PRKAR1B: variants seen among roughly 807,000 people sequenced by gnomAD.
The protein encoded by PRKAR1B is cAMP-dependent protein kinase type I-beta regulatory subunit.
PRKAR1B carries 22 observed loss-of-function variants against 46.5 expected under a neutral mutation model. The observed-to-expected ratio is 0.47, with a 90% CI of 0.34 to 0.68. The LOEUF (loss-of-function observed/expected upper bound fraction) is 0.68, where lower values mean the gene tolerates loss of function less well. Among genes scored for constraint, PRKAR1B ranks in the 30% least tolerant of loss-of-function variants. PRKAR1B has a pLI of 0.01. For synonymous variants in PRKAR1B, 259 were observed against 217.7 expected, an observed-to-expected ratio of 1.19 and a Z score of -1.67; for missense variants, 445 against 535.6, an observed-to-expected ratio of 0.83 and a Z score of 1.67.
chr7:551,291 G>C (rs1784175351), intron 10 of PRKAR1B, 98 bp downstream of exon 10: 2 of 1,185,168 alleles, frequency 1.7e-6, no homozygotes, highest in African/African-American at 1.5e-5. Context: ...CAAGGCCCCA[G>C]GGAAGCCCCC....
At chr7:676,493 C>T (rs1778302389) in intron 4 of PRKAR1B, among the ~76,000 whole-genome samples, 1 of 152,184 alleles carries the variant, frequency 6.6e-6, no homozygotes. Flanking sequence ...CGGAAGAGGC[C>T]GGAACACGAA....
At chr7:608,754 A>G (rs71518318) in intron 4 of PRKAR1B, among the ~76,000 whole-genome samples, 17,959 of 33,216 alleles carry the variant, frequency 0.54, 4,525 homozygotes, top group South Asian at 0.74. Flanking sequence ...GCTGTAGGGA[A>G]GGCTGGGGGG....
chr7:598,947 A>G (rs756401688), intron 6 of PRKAR1B, among the ~76,000 whole-genome samples: 1 of 152,254 alleles, frequency 6.6e-6, no homozygotes, highest in Non-Finnish European at 1.5e-5. Flanking sequence ...GAGTCTCCAC[A>G]GAGCCAGCCC....
intron 7 of PRKAR1B, among the ~76,000 whole-genome samples, chr7:594,548 C>G (rs1417765890): frequency 6.6e-6 from 1 of 152,190 alleles, no homozygotes; most frequent in African/African-American, 2.4e-5. Context: ...ACCCAAACCA[C>G]AGGCGCTGGC....
chr7:709,357 G>A (rs1227982527), intron 2 of PRKAR1B, among the ~76,000 whole-genome samples: 1 of 149,538 alleles, frequency 6.7e-6, no homozygotes, highest in Admixed American at 6.7e-5. Context: ...ATGCATGTGT[G>A]TGTGTATGTA....
In PRKAR1B at chr7:551,413, G is replaced by A. The variant is rs373481607; in HGVS notation, c.949C>T (p.Arg317Cys). 26 of 1,559,674 alleles carry A rather than the reference G, an allele frequency of 1.7e-5. No individual in the cohort carries two copies. The highest frequency in any genetic ancestry group is 3.9e-5 in the Admixed American group (2 of 51,544). Residue 317 changes from arginine (R) to cysteine (C), a missense_variant, in exon 10 of 11, where the codon CGC (arginine) becomes TGC (cysteine). Transcript: ENST00000537384. ...SPNEEYVEVG[R>C]LGPSDYFGEI... ...CCGAAGTAGTCAGAGGGTCCCAGGC[G>A]CCCCACCTCCACGTACTCCTCATTG...
intron 7 of PRKAR1B, among the ~76,000 whole-genome samples, chr7:592,689 T>G (rs1056590063): frequency 1.6e-4 from 24 of 152,164 alleles, no homozygotes; most frequent in African/African-American, 5.3e-4. Flanking sequence ...GCTGAGGTCC[T>G]GGGTAAGGAT....
chr7:643,608 G>C (rs565888192), intron 4 of PRKAR1B, among the ~76,000 whole-genome samples: 3 of 151,488 alleles, frequency 2.0e-5, no homozygotes, highest in Middle Eastern at 3.4e-3. Flanking sequence ...TGTAATCCCA[G>C]CTACTCGGGA....
In PRKAR1B at chr7:637,247, G is replaced by A. The variant is rs1321513721; in HGVS notation, c.441-29795C>T. On this transcript the variant is annotated intron_variant, in intron 4 of 10. Transcript: ENST00000537384. ...GGTCTAGCCTACATGGTGAAATCCC[G>A]TCTCTAACTAAAAATACAAAAATTA... 5.3e-5 allele frequency among the ~76,000 whole-genome samples: 8 copies of A among 151,936 alleles called. No homozygotes were observed. In the East Asian group the frequency reaches 5.8e-4, roughly 11 times the overall value.
At chr7:561,124 G>C (rs1185671196) in intron 9 of PRKAR1B, among the ~76,000 whole-genome samples, 1 of 145,980 alleles carries the variant, frequency 6.9e-6, no homozygotes, top group African/African-American at 2.6e-5. Context: ...CCCACACACA[G>C]GCACACAAAC....
chr7:601,146 A>G (rs1781566896), intron 6 of PRKAR1B, among the ~76,000 whole-genome samples: 1 of 152,212 alleles, frequency 6.6e-6, no homozygotes, highest in African/African-American at 2.4e-5. Flanking sequence ...GGCCTCCGGC[A>G]CTTGGCCAGC....
intron 4 of PRKAR1B, among the ~76,000 whole-genome samples, chr7:636,716 G>A (rs1419666925): frequency 6.6e-6 from 1 of 152,242 alleles, no homozygotes; most frequent in East Asian, 1.9e-4. Flanking sequence ...AGGCTGTGCT[G>A]TAGAAGCCTG....
At chr7:726,689 T>C (rs1022711439) in intron 1 of PRKAR1B, 11 of 1,224,838 alleles carry the variant, frequency 9.0e-6, no homozygotes, top group Middle Eastern at 2.8e-4. Context: ...GCGAAAGCGC[T>C]GTTCCCCTTA....
intron 4 of PRKAR1B, among the ~76,000 whole-genome samples, chr7:661,532 A>G (rs13233737): frequency 5.2e-4 from 24 of 46,084 alleles, no homozygotes; most frequent in African/African-American, 1.8e-3. Flanking sequence ...CCACCCCAAC[A>G]GATCCAAATA....
At chr7:682,379 A>T (rs1188492278) in intron 2 of PRKAR1B, among the ~76,000 whole-genome samples, 1 of 151,932 alleles carries the variant, frequency 6.6e-6, no homozygotes, top group Non-Finnish European at 1.5e-5. Context: ...CTATAATCCC[A>T]GCACTTAGGG....
At position 595,930 on chromosome 7, in the gene PRKAR1B, A is replaced by T. The variant is rs182342128; in HGVS notation, c.708+216T>A. ...CAGTCCAGACAGTGGGAAGGAGAAAAGGAGGACGGTGAAGGGGCCTCCCCA... is the reference window on the plus strand; with the variant it reads ...CAGTCCAGACAGTGGGAAGGAGAAATGGAGGACGGTGAAGGGGCCTCCCCA... On this transcript the variant is annotated intron_variant, in intron 7 of 10. Coordinates refer to ENST00000537384, the MANE Select transcript of PRKAR1B (RefSeq NM_001164760.2). Among the ~76,000 whole-genome samples the T allele has an allele frequency of 2.6e-5, 4 of 152,292 alleles. No individual in the cohort carries two copies. In the East Asian group the frequency reaches 7.7e-4, roughly 29 times the overall value.
intron 7 of PRKAR1B, among the ~76,000 whole-genome samples, chr7:594,647 C>A (rs1472310773): frequency 6.6e-6 from 1 of 152,114 alleles, no homozygotes; most frequent in Non-Finnish European, 1.5e-5. Flanking sequence ...TATGAAGGAA[C>A]CCCAAGACCA....
chr7:628,470 A>G (rs1453617446), intron 4 of PRKAR1B, among the ~76,000 whole-genome samples: 2 of 152,224 alleles, frequency 1.3e-5, no homozygotes, highest in African/African-American at 4.8e-5. Context: ...TTCCTGGAGG[A>G]AGAAAAGAGC....
intron 4 of PRKAR1B, among the ~76,000 whole-genome samples, chr7:647,335 T>C (rs1035942533): frequency 2.6e-5 from 4 of 151,986 alleles, no homozygotes; most frequent in Non-Finnish European, 5.9e-5. Context: ...CAAGCCAGCA[T>C]CACCTGTGGC....
Sources: allele counts gnomAD v4.1 joint callset (sites outside exome capture counted in the v4.1 genomes callset), GRCh38; gene constraint gnomAD v4.1.1; transcripts MANE v1.5; gene names NCBI Gene and HGNC (gene_info 2026-07-23, HGNC 2026-07-21).